Variants in RAB3C observed in about 807,000 individuals in gnomAD.
RAB3C encodes the protein ras-related protein Rab-3C.
In RAB3C, 17 loss-of-function variants were observed where a neutral mutation model predicts 26.4. The ratio of observed to expected loss-of-function variants is 0.64; its 90% CI spans 0.44 to 0.97. The LOEUF (loss-of-function observed/expected upper bound fraction) is 0.97. RAB3C is among the 50% of genes least tolerant of loss of function. The pLI, the probability that RAB3C is intolerant of heterozygous loss-of-function variation, is 0.00. For missense variants in RAB3C, 242 were observed against 281.9 expected (o/e 0.86, Z 1.01); for synonymous variants, 91 against 95.9 (o/e 0.95, Z 0.30).
intron 4 of RAB3C, among the ~76,000 whole-genome samples, chr5:58,846,224 G>A (rs75572140): frequency 0.06 from 9,187 of 152,080 alleles, 380 homozygotes; most frequent in East Asian, 0.13. Flanking sequence ...TTTGGCTATC[G>A]TGAATAATGC....
chr5:58,656,518 AAAAAAT>A (rs1219088106), intron 2 of RAB3C, among the ~76,000 whole-genome samples: 47 of 152,232 alleles, frequency 3.1e-4, no homozygotes, highest in Non-Finnish European at 2.1e-4. Context: ...AAAACATTTT[AAAAAAT>A]AAAAATAAAA....
At chr5:58,762,267 G>A (rs73104331) in intron 3 of RAB3C, among the ~76,000 whole-genome samples, 2,314 of 152,298 alleles carry the variant, frequency 0.015, 64 homozygotes, top group African/African-American at 0.053. Flanking sequence ...GGCTGAAGGT[G>A]ACCATATTGG....
intron 3 of RAB3C, among the ~76,000 whole-genome samples, chr5:58,755,931 T>A (rs1741646130): frequency 6.6e-6 from 1 of 152,190 alleles, no homozygotes; most frequent in Non-Finnish European, 1.5e-5. Flanking sequence ...ATATTAAAAC[T>A]CATACAAGTA....
At chr5:58,839,046 G>C (rs1743815635) in intron 4 of RAB3C, among the ~76,000 whole-genome samples, 1 of 151,454 alleles carries the variant, frequency 6.6e-6, no homozygotes, top group South Asian at 2.1e-4. Context: ...GTTTCTGCTT[G>C]AATGGAACAT....
chr5:58,663,312 AG>A, intron 2 of RAB3C, among the ~76,000 whole-genome samples: 1 of 150,096 alleles, frequency 6.7e-6, no homozygotes, highest in Non-Finnish European at 1.5e-5. Context: ...ACCACTGCCT[AG>A]GCGACCCCAC....
At chr5:58,828,568 C>T (rs1743540031) in intron 4 of RAB3C, among the ~76,000 whole-genome samples, 1 of 152,232 alleles carries the variant, frequency 6.6e-6, no homozygotes, top group Non-Finnish European at 1.5e-5. Flanking sequence ...ATGTCCCAGG[C>T]CTGACCTCAC....
At chr5:58,723,000 T>C (rs921342975) in intron 2 of RAB3C, among the ~76,000 whole-genome samples, 3 of 151,882 alleles carry the variant, frequency 2.0e-5, no homozygotes, top group Non-Finnish European at 4.4e-5. Flanking sequence ...ACCATTTATT[T>C]ACCTTTTCAA....
At chr5:58,754,307 T>C (rs1741598701) in intron 3 of RAB3C, among the ~76,000 whole-genome samples, 2 of 152,288 alleles carry the variant, frequency 1.3e-5, no homozygotes, top group East Asian at 1.9e-4. Flanking sequence ...CAAAACAATA[T>C]AATGATTGTG....
chr5:58,631,800 T>C (rs2111749815), intron 2 of RAB3C, among the ~76,000 whole-genome samples: 1 of 152,316 alleles, frequency 6.6e-6, no homozygotes, highest in South Asian at 2.1e-4. Context: ...AAACTCAGAA[T>C]ATTTTATCTC....
At chr5:58,680,868 A>G (rs1165844586) in intron 2 of RAB3C, among the ~76,000 whole-genome samples, 1 of 152,202 alleles carries the variant, frequency 6.6e-6, no homozygotes, top group African/African-American at 2.4e-5. Context: ...CTGTAAGTTA[A>G]CACATTCACA....
At chr5:58,824,998 C>G (rs1420115269) in intron 3 of RAB3C, 40 bp from the exon 4 acceptor site, 1 of 1,461,260 alleles carries the variant, frequency 6.8e-7, no homozygotes, top group African/African-American at 1.4e-5. Flanking sequence ...TGCTGTTCTG[C>G]TTTCCTCTGA....
chr5:58,775,698 T>A (rs1274968138), intron 3 of RAB3C, among the ~76,000 whole-genome samples: 1 of 152,156 alleles, frequency 6.6e-6, no homozygotes, highest in Non-Finnish European at 1.5e-5. Context: ...TAACTAAATT[T>A]TTTTTTAAAA....
At chr5:58,836,835 T>C (rs1423308926) in intron 4 of RAB3C, among the ~76,000 whole-genome samples, 1 of 152,208 alleles carries the variant, frequency 6.6e-6, no homozygotes, top group Non-Finnish European at 1.5e-5. Context: ...TATGCTGCAA[T>C]AAGCACGGGG....
intron 3 of RAB3C, among the ~76,000 whole-genome samples, chr5:58,802,791 G>C (rs1379774725): frequency 6.6e-6 from 1 of 152,156 alleles, no homozygotes; most frequent in Non-Finnish European, 1.5e-5. Context: ...TACAATACAA[G>C]GCTAAATGAC....
At chr5:58,703,135 C>A (rs1042045749) in intron 2 of RAB3C, among the ~76,000 whole-genome samples, 10 of 152,190 alleles carry the variant, frequency 6.6e-5, no homozygotes, top group Admixed American at 5.9e-4. Context: ...TATTTGGCAG[C>A]CAAATTTGGA....
chr5:58,591,475 A>G (rs1283696785), intron 1 of RAB3C, among the ~76,000 whole-genome samples: 3 of 151,736 alleles, frequency 2.0e-5, no homozygotes, highest in East Asian at 3.9e-4. Context: ...TTCCTTTTAT[A>G]TTATGAAATG....
At chr5:58,677,570 C>T (rs927983361) in intron 2 of RAB3C, among the ~76,000 whole-genome samples, 3 of 148,236 alleles carry the variant, frequency 2.0e-5, no homozygotes, top group African/African-American at 4.9e-5. Context: ...ATTATTCTCT[C>T]CAGAGCCTAG....
At chr5:58,693,330 A>ATATATG (rs377406953) in intron 2 of RAB3C, among the ~76,000 whole-genome samples, 22,039 of 100,542 alleles carry the variant, frequency 0.22, 2,297 homozygotes, top group East Asian at 0.29. Flanking sequence ...AATTATATAT[A>ATATATG]TATGTGTATA....
chr5:58,610,248 C>A (rs1461854619), intron 1 of RAB3C, among the ~76,000 whole-genome samples: 1 of 108,268 alleles, frequency 9.2e-6, no homozygotes, highest in Non-Finnish European at 1.9e-5. Context: ...TTCTCTTGGG[C>A]AAATCCCTAG....
Sources: allele counts gnomAD v4.1 joint callset (sites outside exome capture counted in the v4.1 genomes callset), GRCh38; gene constraint gnomAD v4.1.1; transcripts MANE v1.5; gene names NCBI Gene and HGNC (gene_info 2026-07-23, HGNC 2026-07-21).